CLSTN1: variants seen among roughly 807,000 people sequenced by gnomAD.
CLSTN1 encodes the protein calsyntenin-1.
Under a neutral mutation model 108.3 loss-of-function variants are expected in CLSTN1, and 28 were observed. That is an observed-to-expected ratio of 0.26 (90% confidence interval 0.19 to 0.35). The LOEUF (loss-of-function observed/expected upper bound fraction) is 0.35, where lower values mean the gene tolerates loss of function less well. Among genes scored for constraint, CLSTN1 ranks in the 10% least tolerant of loss-of-function variants. CLSTN1 has a pLI of 1.00. For synonymous variants in CLSTN1, 524 were observed against 534.9 expected (o/e 0.98, Z 0.28); for missense variants, 1,157 against 1,302.6 (o/e 0.89, Z 1.72).
Position 9,731,285 on chromosome 1 carries a change from A to G in CLSTN1, c.2669T>C (p.Met890Thr). 2 of 1,614,206 alleles carry G rather than the reference A, an allele frequency of 1.2e-6. No homozygotes were observed. The highest frequency in any genetic ancestry group is 1.7e-6 in the Non-Finnish European group (2 of 1,180,046). Reference protein sequence around the residue: ...FRIRAAHRRTMRDQDTGKENE... With the variant: ...FRIRAAHRRTTRDQDTGKENE... ...CTCCTTCCCGGTGTCCTGATCCCGC[A>G]TGGTCCGCCGATGTGCGGCCCGGAT... The change falls in exon 18 of 19, where the codon ATG becomes ACG. Residue 890 changes from methionine (M) to threonine (T), a missense_variant. Transcript: ENST00000377298.
intron 1 of CLSTN1, among the ~76,000 whole-genome samples, chr1:9,791,301 T>C (rs1168375909): frequency 4.6e-5 from 7 of 151,480 alleles, no homozygotes; most frequent in Admixed American, 4.0e-4. Flanking sequence ...CACAGGCTTT[T>C]TGCTCTGTTG....
At position 9,755,316 on chromosome 1, in the gene CLSTN1, A is replaced by G; in HGVS notation, c.245-7T>C. ...TTAAATCCACAAATCTCACCTAGGG[A>G]GTCAAAGCAGAACAGGTAAGAATTC... On this transcript the variant is annotated splice_polypyrimidine_tract_variant and splice_region_variant and intron_variant, in intron 3 of 18. Coordinates refer to ENST00000377298, the MANE Select transcript of CLSTN1 (RefSeq NM_001009566.3). 1 of 1,604,476 alleles carries G rather than the reference A, an allele frequency of 6.2e-7. No individual in the cohort carries two copies. The highest frequency in any genetic ancestry group is 8.5e-7 in the Non-Finnish European group (1 of 1,172,784).
chr1:9,733,430 G>T lies in CLSTN1; in HGVS notation c.2398C>A (p.Arg800Ser), dbSNP rs141353908. ...FKLICSELNG[R>S]YISNEFKVEV... Reference sequence around the variant, plus strand: ...ACCTTAAATTCGTTGCTGATGTAGCGGCCATTCAGCTCTGAGCAGATGAGC... The same window carrying T: ...ACCTTAAATTCGTTGCTGATGTAGCTGCCATTCAGCTCTGAGCAGATGAGC... The change falls in exon 16 of 19, where the codon CGC (arginine) becomes AGC (serine). Residue 800 changes from arginine to serine, a missense_variant. Arg to Ser is a moderately radical substitution (Grantham distance 110, BLOSUM62 -1). Transcript: ENST00000377298. 2 of 1,614,180 alleles carry T rather than the reference G, an allele frequency of 1.2e-6. No individual in the cohort carries two copies. The highest frequency in any genetic ancestry group is 4.5e-5 in the East Asian group (2 of 44,880).
intron 7 of CLSTN1, among the ~76,000 whole-genome samples, chr1:9,746,169 G>T (rs1651258293): frequency 6.6e-6 from 1 of 152,084 alleles, no homozygotes; most frequent in African/African-American, 2.4e-5. Flanking sequence ...AACCTCACCT[G>T]CATGCACAGC....
chr1:9,789,602 T>C (rs1175843485), intron 1 of CLSTN1, among the ~76,000 whole-genome samples: 3 of 151,356 alleles, frequency 2.0e-5, no homozygotes, highest in African/African-American at 7.2e-5. Flanking sequence ...TAACTTCCCC[T>C]CTCAATACCG....
In CLSTN1 at chr1:9,729,948, T is replaced by TTTACA; in HGVS notation, c.*555_*559dup. The stretch of plus-strand genomic sequence containing the variant: ...CCGTGCTCAGAGCTCCGAACTTCAC[T>TTTACA]TTACATTCCAGTCCCGGGTTACACT... On this transcript the variant is annotated 3_prime_UTR_variant, in exon 19 of 19. Transcript: ENST00000377298. 1 of 156,048 alleles carries TTTACA rather than the reference T, an allele frequency of 6.4e-6. No individual in the cohort carries two copies. The highest frequency in any genetic ancestry group is 1.9e-4 in the East Asian group (1 of 5,270). The allele number at this position is 156,048 out of a possible 1,614,324, so 9.7% of individuals were successfully genotyped here.
At chr1:9,770,274 C>T (rs889970274) in intron 2 of CLSTN1, among the ~76,000 whole-genome samples, 9 of 151,916 alleles carry the variant, frequency 5.9e-5, no homozygotes, top group Admixed American at 3.9e-4. Context: ...GTAAAAAAAA[C>T]CTGAGAATCT....
At position 9,737,536 on chromosome 1, in the gene CLSTN1, T is replaced by A; in HGVS notation, c.1538A>T (p.Asn513Ile). The A allele has an allele frequency of 6.2e-7, 1 of 1,614,052 alleles. No homozygotes were observed. Among genetic ancestry groups the A allele is most frequent in the Non-Finnish European group, 8.5e-7 (1 of 1,179,946 alleles). ...AGTCACAGGCTCAGTTTCATTGTCA[T>A]TTTCAACTCCTGAAAACTCTGTGGA... is the stretch of plus-strand genomic sequence containing the variant. The part of the protein sequence containing the change: ...ACWQEFSGVE[N>I]DNETEPVTVA... The change falls in exon 11 of 19, where the codon AAT becomes ATT. Residue 513 changes from asparagine (N) to isoleucine (I), a missense_variant. By Grantham distance (149) the Asn-to-Ile change is moderately radical. Transcript: ENST00000377298.
intron 3 of CLSTN1, 94 bp from the exon 4 acceptor site, chr1:9,755,403 A>T (rs1651763493): frequency 8.3e-6 from 9 of 1,089,920 alleles, no homozygotes; most frequent in African/African-American, 1.6e-5. Flanking sequence ...AAAGAAAATA[A>T]ATGACAACAA....
At chr1:9,816,200 C>A (rs182031902) in intron 1 of CLSTN1, among the ~76,000 whole-genome samples, 1 of 152,272 alleles carries the variant, frequency 6.6e-6, no homozygotes, top group Non-Finnish European at 1.5e-5. Flanking sequence ...AGTCCTGATA[C>A]ATGCTACAAC....
At position 9,736,108 on chromosome 1, in the gene CLSTN1, C is replaced by T. The variant is rs548130588; in HGVS notation, c.1577-66G>A. 5.8e-5 allele frequency: 92 copies of T among 1,597,444 alleles called. No homozygotes were observed. The Admixed American group carries it at 1.5e-3, about 26-fold the overall frequency. ...CCAGCATCGCCCAACTCACTTCTCA[C>T]TCAACACGGTGTTACCGGTGCTGGC... On this transcript the variant is annotated intron_variant, in intron 11 of 18. Coordinates refer to ENST00000377298, the MANE Select transcript of CLSTN1 (RefSeq NM_001009566.3).
chr1:9,731,467 G>A, intron 17 of CLSTN1, 77 bp from the exon 18 acceptor site: 1 of 1,477,452 alleles, frequency 6.8e-7, no homozygotes. Flanking sequence ...CCTCGGCTGT[G>A]CCTGGTCAAA....
Position 9,731,746 on chromosome 1 carries a change from C to T in CLSTN1, c.2563+15G>A, listed in dbSNP as rs1289295988. The T allele has an allele frequency of 1.2e-6, 2 of 1,613,988 alleles. No individual in the cohort carries two copies. The highest frequency in any genetic ancestry group is 1.7e-6 in the Non-Finnish European group (2 of 1,179,980). ...CATGGAGCATCTCCGCTTGGTCTCC[C>T]TCCCCATGTCCTACCTGCGAACGGG... On this transcript the variant is annotated intron_variant, in intron 17 of 18. Transcript: ENST00000377298.
intron 4 of CLSTN1, among the ~76,000 whole-genome samples, chr1:9,754,462 G>A (rs1473577198): frequency 6.6e-6 from 1 of 152,112 alleles, no homozygotes; most frequent in Non-Finnish European, 1.5e-5. Context: ...GGGAGGCTGA[G>A]GCAGAAAAAT....
chr1:9,771,977 ACTTT>A (rs1652707093), intron 2 of CLSTN1, among the ~76,000 whole-genome samples: 1 of 149,078 alleles, frequency 6.7e-6, no homozygotes, highest in Non-Finnish European at 1.5e-5. Flanking sequence ...CAAATAGAAC[ACTTT>A]TTTTTTTTTT....
At chr1:9,784,993 ATTCT>A (rs908671097) in intron 1 of CLSTN1, among the ~76,000 whole-genome samples, 1 of 148,302 alleles carries the variant, frequency 6.7e-6, no homozygotes, top group Non-Finnish European at 1.5e-5. Context: ...CTAGTCATAA[ATTCT>A]TTTTTTTTTT....
At chr1:9,803,922 A>G (rs1260953983) in intron 1 of CLSTN1, among the ~76,000 whole-genome samples, 2 of 152,336 alleles carry the variant, frequency 1.3e-5, no homozygotes, top group East Asian at 1.9e-4. Flanking sequence ...TTTTTCAACT[A>G]CTGAACTTTT....
chr1:9,757,400 C>A (rs1651870542), intron 2 of CLSTN1, among the ~76,000 whole-genome samples: 1 of 151,476 alleles, frequency 6.6e-6, no homozygotes, highest in Admixed American at 6.6e-5. Flanking sequence ...CGCCACCACG[C>A]CCAGTTAATT....
chr1:9,782,860 A>G, intron 1 of CLSTN1, among the ~76,000 whole-genome samples: 1 of 151,600 alleles, frequency 6.6e-6, no homozygotes, highest in Non-Finnish European at 1.5e-5. Flanking sequence ...TACAAAAATT[A>G]GCCGGGCGTG....
Sources: gnomAD v4.1 joint callset for allele counts (sites outside exome capture counted in the v4.1 genomes callset) on GRCh38, gnomAD v4.1.1 for gene constraint, MANE v1.5 for transcripts, NCBI Gene and HGNC (gene_info 2026-07-23, HGNC 2026-07-21) for gene names.